Variants in ZNF257 observed in about 807,000 individuals in gnomAD.
The protein encoded by ZNF257 is bone marrow zinc finger 4.
Under a neutral mutation model 11.9 loss-of-function variants are expected in ZNF257, and 12 were observed. The observed-to-expected ratio is 1.01, with a 90% confidence interval of 0.65 to 1.63. The LOEUF is 1.63. ZNF257 is among the 40% of genes most tolerant of loss of function. ZNF257 has a pLI of 0.00. For missense variants in ZNF257, 580 were observed against 665.5 expected, an observed-to-expected ratio of 0.87 and a Z score of 1.41; for synonymous variants, 183 against 222.7, an observed-to-expected ratio of 0.82 and a Z score of 1.59.
intron 3 of ZNF257, among the ~76,000 whole-genome samples, chr19:22,086,494 G>A (rs893214304): frequency 6.6e-6 from 1 of 151,808 alleles, no homozygotes; most frequent in African/African-American, 2.4e-5. Context: ...TTTTGTGTAT[G>A]TATGTTTCCC....
intron 3 of ZNF257, among the ~76,000 whole-genome samples, chr19:22,075,137 A>G (rs982283700): frequency 1.3e-5 from 2 of 152,166 alleles, no homozygotes; most frequent in African/African-American, 4.8e-5. Context: ...CTGGGTCTGC[A>G]CTAGGGTCCA....
chr19:22,053,545 T>A (rs186972917), intron 1 of ZNF257, among the ~76,000 whole-genome samples: 279 of 152,320 alleles, frequency 1.8e-3, no homozygotes, highest in Middle Eastern at 6.8e-3. Context: ...AAGGTGGACA[T>A]TTCCTTGTTA....
rs896376036 is a variant in ZNF257 at position 22,089,919 on chromosome 19, TA to T, written c.*486del. On this transcript the variant is annotated 3_prime_UTR_variant, in exon 4 of 4. Coordinates refer to ENST00000594947, the MANE Select transcript of ZNF257 (RefSeq NM_033468.4). ...ACAATACCTCAAACTTTTCTAAACATAAAAAAAAATTATACTAGTGCGAAAC... is the reference window on the plus strand; with the variant it reads ...ACAATACCTCAAACTTTTCTAAACATAAAAAAAATTATACTAGTGCGAAAC... 69 of 155,452 alleles carry T rather than the reference TA, an allele frequency of 4.4e-4. No homozygotes were observed. Among genetic ancestry groups the T allele is most frequent in the African/African-American group, 1.3e-3 (52 of 41,318 alleles). 9.6% of individuals were successfully genotyped at this position (155,452 alleles called of 1,614,324 possible).
At position 22,083,012 on chromosome 19, in the gene ZNF257, G is replaced by T. The variant is rs767377462; in HGVS notation, c.227-4965G>T. ...TTTCTTTATAACTTGTATATTTGTG[G>T]TGTAGGTTTGTTGTGAAAGGTTGTT... On this transcript the variant is annotated intron_variant, in intron 3 of 3. Coordinates refer to ENST00000594947, the MANE Select transcript of ZNF257 (RefSeq NM_033468.4). Among the ~76,000 whole-genome samples, 3 of 152,016 alleles carry T rather than the reference G, an allele frequency of 2.0e-5. No individual in the cohort carries two copies. The South Asian group carries it at 6.2e-4, about 32-fold the overall frequency.
At chr19:22,062,426 G>T (rs1166766076) in intron 1 of ZNF257, among the ~76,000 whole-genome samples, 4 of 150,874 alleles carry the variant, frequency 2.7e-5, no homozygotes, top group Admixed American at 2.0e-4. Flanking sequence ...GCCCAGCTTT[G>T]CTAAGGATTT....
intron 1 of ZNF257, among the ~76,000 whole-genome samples, chr19:22,061,632 T>TTC (rs1343558798): frequency 6.6e-6 from 1 of 152,092 alleles, no homozygotes; most frequent in Non-Finnish European, 1.5e-5. Context: ...TTTTTTTTTT[T>TTC]TCTCACCTGA....
At chr19:22,060,215 ATGAGACATCACTACAT>A (rs1003226756) in intron 1 of ZNF257, among the ~76,000 whole-genome samples, 26 of 152,334 alleles carry the variant, frequency 1.7e-4, no homozygotes, top group African/African-American at 6.3e-4. Context: ...TTTTACTTAC[ATGAGACATCACTACAT>A]TGCTTTTCAC....
intron 1 of ZNF257, chr19:22,060,462 G>A (rs28894669): frequency 0.24 from 35,782 of 149,094 alleles, 5,775 homozygotes; most frequent in African/African-American, 0.46. Flanking sequence ...AAAAGTATCT[G>A]TTGATGTCTT....
At chr19:22,059,186 G>A (rs1198126348) in intron 1 of ZNF257, among the ~76,000 whole-genome samples, 3 of 152,072 alleles carry the variant, frequency 2.0e-5, no homozygotes, top group South Asian at 4.2e-4. Flanking sequence ...ACACATGCAG[G>A]TTTGTTATAT....
chr19:22,065,194 T>G (rs2021911056), intron 1 of ZNF257, among the ~76,000 whole-genome samples: 1 of 152,094 alleles, frequency 6.6e-6, no homozygotes, highest in Admixed American at 6.5e-5. Context: ...GATAACAGAC[T>G]TTTTTTGTTT....
intron 1 of ZNF257, among the ~76,000 whole-genome samples, chr19:22,058,082 T>C (rs2021690981): frequency 6.6e-6 from 1 of 151,944 alleles, no homozygotes; most frequent in African/African-American, 2.4e-5. Flanking sequence ...GATTTTTATA[T>C]GAGAAAAAGA....
At chr19:22,070,245 T>C (rs2022068648) in intron 1 of ZNF257, among the ~76,000 whole-genome samples, 1 of 152,052 alleles carries the variant, frequency 6.6e-6, no homozygotes, top group Non-Finnish European at 1.5e-5. Flanking sequence ...TCACAAAAAA[T>C]TAAATATAAA....
Position 22,088,056 on chromosome 19 carries a change from A to T in ZNF257, c.306A>T (p.Arg102Ser), listed in dbSNP as rs1374929264. ...TTTTCCAAAAAGTCATACTGAGGAGATATGATAAATGTGAACATGAGAATT... is the reference window on the plus strand; with the variant it reads ...TTTTCCAAAAAGTCATACTGAGGAGTTATGATAAATGTGAACATGAGAATT... The part of the protein sequence containing the change: ...KYFFQKVILR[R>S]YDKCEHENLQ... The change falls in exon 4 of 4, where the codon AGA becomes AGT. Residue 102 changes from arginine (R) to serine (S), a missense_variant. Coordinates refer to ENST00000594947, the MANE Select transcript of ZNF257 (RefSeq NM_033468.4). The T allele has an allele frequency of 1.2e-6, 2 of 1,602,506 alleles. No homozygotes were observed. The highest frequency in any genetic ancestry group is 2.2e-5 in the East Asian group (1 of 44,654).
Position 22,089,116 on chromosome 19 carries a change from G to A in ZNF257, c.1366G>A (p.Glu456Lys), listed in dbSNP as rs750876833. ...LIRHKIIHTG[E>K]KPYKCEECGK... The stretch of plus-strand genomic sequence containing the variant: ...TCGACATAAGATAATTCATACTGGA[G>A]AGAAACCCTACAAATGTGAAGAGTG... The change falls in exon 4 of 4, where the codon GAG becomes AAG. Residue 456 changes from glutamate (E) to lysine (K), a missense_variant. By Grantham distance (56) the Glu-to-Lys change is moderately conservative. Coordinates refer to ENST00000594947, the MANE Select transcript of ZNF257 (RefSeq NM_033468.4). The A allele has an allele frequency of 1.6e-4, 253 of 1,613,764 alleles. 6 individuals are homozygous for A. The South Asian group carries it at 2.6e-3, about 17-fold the overall frequency.
Position 22,072,859 on chromosome 19 carries a change from G to T in ZNF257, c.54G>T (p.Trp18Cys), listed in dbSNP as rs760146965. The change falls in exon 2 of 4, where the codon TGG becomes TGT. Residue 18 changes from tryptophan (W) to cysteine (C), a missense_variant. Physicochemically the swap from Trp to Cys is radical, Grantham distance 215. Coordinates refer to ENST00000594947, the MANE Select transcript of ZNF257 (RefSeq NM_033468.4). ...CTGTAGAATTCTCTCTGGAGGAGTG[G>T]CATTGCCTGGACACTGCACAGCAGA... ...DVTVEFSLEE[W>C]HCLDTAQQNL... 27 of 1,613,112 alleles carry T rather than the reference G, an allele frequency of 1.7e-5. No homozygotes were observed. The Admixed American group carries it at 2.3e-4, about 14-fold the overall frequency.
At chr19:22,053,605 G>T (rs1460874300) in intron 1 of ZNF257, among the ~76,000 whole-genome samples, 1 of 152,060 alleles carries the variant, frequency 6.6e-6, no homozygotes, top group African/African-American at 2.4e-5. Context: ...CCTCAATTTT[G>T]TTTCCCCCAA....
chr19:22,064,464 A>C (rs2145692728), intron 1 of ZNF257: 1 of 152,266 alleles, frequency 6.6e-6, no homozygotes, highest in Middle Eastern at 3.4e-3. Context: ...AGTTTTGTTT[A>C]TATCAAAGCT....
At chr19:22,084,525 C>G (rs1279953153) in intron 3 of ZNF257, among the ~76,000 whole-genome samples, 1 of 151,432 alleles carries the variant, frequency 6.6e-6, no homozygotes, top group Admixed American at 6.6e-5. Flanking sequence ...TTCAAAAGTG[C>G]AATGAGAAAT....
rs1263606412 is a variant in ZNF257 at position 22,088,086 on chromosome 19, A to C, written c.336A>C (p.Gln112His). 2 of 1,608,014 alleles carry C rather than the reference A, an allele frequency of 1.2e-6. No individual in the cohort carries two copies. Among genetic ancestry groups the C allele is most frequent in the Non-Finnish European group, 1.7e-6 (2 of 1,176,476 alleles). ...RYDKCEHENL[Q>H]LRKGCKSVDE... ...ATAAATGTGAACATGAGAATTTACA[A>C]TTAAGAAAGGGCTGTAAAAGTGTGG... is the stretch of plus-strand genomic sequence containing the variant. Residue 112 changes from glutamine to histidine, a missense_variant, in exon 4 of 4, where the codon CAA (glutamine) becomes CAC (histidine). By Grantham distance (24) the Gln-to-His change is conservative. Transcript: ENST00000594947.
Sources: allele counts gnomAD v4.1 joint callset (sites outside exome capture counted in the v4.1 genomes callset), GRCh38; gene constraint gnomAD v4.1.1; transcripts MANE v1.5; gene names NCBI Gene and HGNC (gene_info 2026-07-23, HGNC 2026-07-21).